The following UGGT1 variants were observed in gnomAD, a reference collection of about 807,000 sequenced individuals.
UGGT1 encodes the protein UDP-glucose glycoprotein glucosyltransferase 1.
UGGT1 carries 107 observed loss-of-function variants against 203.9 expected under a neutral mutation model. The observed-to-expected ratio is 0.52, with a 90% CI of 0.45 to 0.62. The LOEUF is 0.62. Among genes scored for constraint, UGGT1 ranks in the 20% least tolerant of loss-of-function variants. The pLI is 0.00. For missense variants in UGGT1, 1,673 were observed against 1,867.2 expected (o/e 0.90, Z 1.92); for synonymous variants, 628 against 653.5 (o/e 0.96, Z 0.59).
chr2:128,188,815 C>A (rs1353924742), intron 40 of UGGT1, among the ~76,000 whole-genome samples: 1 of 152,034 alleles, frequency 6.6e-6, no homozygotes, highest in East Asian at 1.9e-4. Context: ...GACCCTGTCT[C>A]AAAATAAAAA....
At chr2:128,123,153 A>G in intron 10 of UGGT1, 33 bp from the exon 11 acceptor site, 1 of 1,549,740 alleles carries the variant, frequency 6.5e-7, no homozygotes, top group Non-Finnish European at 8.8e-7. Flanking sequence ...TCAAATATTA[A>G]GCCAAGCACT....
rs1310050604 is a variant in UGGT1, at chr2:128,134,891, C to T, written c.1513C>T (p.Pro505Ser). The change falls in exon 15 of 41, where the codon CCT (proline) becomes TCT (serine). Residue 505 changes from proline (P) to serine (S), a missense_variant. Physicochemically the swap from Pro to Ser is moderately conservative, Grantham distance 74. Around this residue, in one of 4 missense-constraint regions of UGGT1, gnomAD observed 1,073 missense variants for 1,078.7 expected, o/e 0.99. Coordinates refer to ENST00000259253, the MANE Select transcript of UGGT1 (RefSeq NM_020120.4). ...NLHNMVFIVD[P>S]AHETTAELMN... ...TCTTCAACAGGTTTTCATAGTTGATCCTGCACATGAGACCACAGCAGAGTT... is the reference window on the plus strand; with the variant it reads ...TCTTCAACAGGTTTTCATAGTTGATTCTGCACATGAGACCACAGCAGAGTT... 1.9e-6 allele frequency: 3 copies of T among 1,613,646 alleles called. No homozygotes were observed. Among genetic ancestry groups the T allele is most frequent in the Non-Finnish European group, 2.5e-6 (3 of 1,179,914 alleles).
At chr2:128,188,185 T>A (rs1692082299) in intron 40 of UGGT1, among the ~76,000 whole-genome samples, 1 of 151,792 alleles carries the variant, frequency 6.6e-6, no homozygotes, top group South Asian at 2.1e-4. Flanking sequence ...CACACCCAGC[T>A]ATTTTTAAAT....
chr2:128,091,593 C>T, intron 1 of UGGT1, 178 bp downstream of exon 1: 1 of 1,437,832 alleles, frequency 7.0e-7, no homozygotes, highest in South Asian at 1.5e-5. Flanking sequence ...GTCTTCTTGG[C>T]AAGGTATCGC....
At chr2:128,167,444 A>G (rs1690852380) in intron 26 of UGGT1, among the ~76,000 whole-genome samples, 1 of 152,162 alleles carries the variant, frequency 6.6e-6, no homozygotes, top group African/African-American at 2.4e-5. Flanking sequence ...TCAGTTATGT[A>G]TATTCTTGCC....
chr2:128,129,093 G>A lies in UGGT1; in HGVS notation c.1291G>A (p.Gly431Ser). 1 of 1,613,988 alleles carries A rather than the reference G, an allele frequency of 6.2e-7. No individual in the cohort carries two copies. The highest frequency in any genetic ancestry group is 8.5e-7 in the Non-Finnish European group (1 of 1,179,966). ...GGGTCTGCATAGATTGGGAATAGAA[G>A]GCCTTTCTCTGCATAATGTTTTGAA... ...MEGLHRLGIEGLSLHNVLKLN... is the reference protein window; with the variant it reads ...MEGLHRLGIESLSLHNVLKLN... The change falls in exon 13 of 41, where the codon GGC (glycine) becomes AGC (serine). Residue 431 changes from glycine (G) to serine (S), a missense_variant. Physicochemically the swap from Gly to Ser is moderately conservative, Grantham distance 56 (BLOSUM62 0). This residue lies in a region of UGGT1 where 1,073 missense variants were observed against 1,078.7 expected (regional missense o/e 0.99). Transcript: ENST00000259253.
At chr2:128,141,275 A>G (rs558706925) in intron 16 of UGGT1, among the ~76,000 whole-genome samples, 3 of 152,012 alleles carry the variant, frequency 2.0e-5, no homozygotes, top group Non-Finnish European at 4.4e-5. Flanking sequence ...CCTGGCCAAC[A>G]TGGGGAAACC....
rs1017798136 is a variant in UGGT1 at position 128,182,365 on chromosome 2, A to G, written c.4244+75A>G. On this transcript the variant is annotated intron_variant, in intron 37 of 40. Transcript: ENST00000259253. ...TGATTTTGTGTGGTTAAAATTGTGA[A>G]TAGGTAATACATTGGTATGGTTGAA... is the stretch of plus-strand genomic sequence containing the variant. 3 of 1,502,652 alleles carry G rather than the reference A, an allele frequency of 2.0e-6. No individual in the cohort carries two copies. In the African/African-American group the frequency reaches 4.2e-5, roughly 21 times the overall value. 93.1% of individuals were successfully genotyped at this position (1,502,652 alleles called of 1,614,324 possible).
intron 8 of UGGT1, among the ~76,000 whole-genome samples, chr2:128,116,616 C>G (rs1045013617): frequency 1.3e-5 from 2 of 152,132 alleles, no homozygotes; most frequent in African/African-American, 4.8e-5. Context: ...CCTCCACTTT[C>G]CACGTTCAAG....
chr2:128,176,826 T>C lies in UGGT1; in HGVS notation c.3552T>C (p.Thr1184=), dbSNP rs2290111. The change falls in exon 32 of 41, where the codon ACT becomes ACC. Residue 1184 remains threonine, a synonymous_variant. Transcript: ENST00000259253. The part of the protein sequence containing the change: ...DIYRIYSHDG[T]DSPPDADEVV... ...TTTTCTCGCAAAGCCACGATGGCAC[T>C]GATTCTCCCCCTGATGCTGATGAGG... is the stretch of plus-strand genomic sequence containing the variant. 991,952 of 1,612,842 alleles carry C rather than the reference T, an allele frequency of 0.62. 310,262 individuals carry two copies. Among genetic ancestry groups the C allele is most frequent in the African/African-American group, 0.92 (68,730 of 74,976 alleles).
intron 26 of UGGT1, among the ~76,000 whole-genome samples, chr2:128,169,338 T>A (rs1388123890): frequency 6.6e-6 from 1 of 152,104 alleles, no homozygotes; most frequent in Non-Finnish European, 1.5e-5. Context: ...GCCACTGCAC[T>A]CCAGCCTGGG....
Position 128,159,380 on chromosome 2 carries a change from T to G in UGGT1, c.2356-134T>G, listed in dbSNP as rs1690408123. The G allele has an allele frequency of 3.7e-6, 3 of 808,456 alleles. No individual in the cohort carries two copies. In the East Asian group the frequency reaches 8.2e-5, roughly 22 times the overall value. 50.1% of individuals were successfully genotyped at this position (808,456 alleles called of 1,614,324 possible). On this transcript the variant is annotated intron_variant, in intron 22 of 40. Coordinates refer to ENST00000259253, the MANE Select transcript of UGGT1 (RefSeq NM_020120.4). Reference sequence around the variant, plus strand: ...TTCCAAAGTGCTGGGATTACAGGCATGAGCCACTGCGCCCGGCCTGAGACT... The same window carrying G: ...TTCCAAAGTGCTGGGATTACAGGCAGGAGCCACTGCGCCCGGCCTGAGACT...
intron 37 of UGGT1, 73 bp from the exon 38 acceptor site, chr2:128,183,602 C>T: frequency 1.8e-6 from 2 of 1,121,348 alleles, no homozygotes; most frequent in Non-Finnish European, 2.7e-6. Context: ...GTGGCCTGTT[C>T]CATTATTCAT....
At chr2:128,144,993 G>A (rs920185238) in intron 17 of UGGT1, among the ~76,000 whole-genome samples, 4 of 152,182 alleles carry the variant, frequency 2.6e-5, no homozygotes, top group Admixed American at 6.6e-5. Flanking sequence ...CAGGAAAAAT[G>A]TCTGTCTTAG....
At chr2:128,111,213 A>G in intron 5 of UGGT1, among the ~76,000 whole-genome samples, 1 of 152,096 alleles carries the variant, frequency 6.6e-6, no homozygotes, top group East Asian at 1.9e-4. Context: ...GTGTGGTGGC[A>G]GTAACCACGC....
chr2:128,125,677 C>T (rs1688566680), intron 11 of UGGT1, among the ~76,000 whole-genome samples: 1 of 152,148 alleles, frequency 6.6e-6, no homozygotes, highest in African/African-American at 2.4e-5. Flanking sequence ...ATCTTTACCC[C>T]AAATTTCCTT....
chr2:128,126,135 G>A (rs1459289207), intron 11 of UGGT1, among the ~76,000 whole-genome samples: 6 of 151,522 alleles, frequency 4.0e-5, no homozygotes, highest in Non-Finnish European at 8.8e-5. Flanking sequence ...GTAGAGACGG[G>A]GTTTCACCAT....
At position 128,174,853 on chromosome 2, in the gene UGGT1, T is replaced by A; in HGVS notation, c.3534T>A (p.Ile1178=). The A allele has an allele frequency of 6.2e-7, 1 of 1,612,126 alleles. No homozygotes were observed. Residue 1178 remains isoleucine (I), a synonymous_variant, in exon 31 of 41, where the codon ATT becomes ATA. Coordinates refer to ENST00000259253, the MANE Select transcript of UGGT1 (RefSeq NM_020120.4). ...GACGCTCTGAAGATATTTATAGAAT[T>A]TACAGGTAGGAGTAAGTGATGCAGT... The part of the protein sequence containing the change: ...RKGRSEDIYR[I]YSHDGTDSPP...
At chr2:128,162,854 G>T (rs1320483839) in intron 25 of UGGT1, among the ~76,000 whole-genome samples, 1 of 152,158 alleles carries the variant, frequency 6.6e-6, no homozygotes, top group Non-Finnish European at 1.5e-5. Flanking sequence ...GATGGCTCTC[G>T]ATCTTTCCTG....
Sources: allele counts gnomAD v4.1 joint callset (sites outside exome capture counted in the v4.1 genomes callset), GRCh38; gene constraint gnomAD v4.1.1; regional missense constraint gnomAD v4.1.1; transcripts MANE v1.5; gene names NCBI Gene and HGNC (gene_info 2026-07-23, HGNC 2026-07-21).